The following TMC3 variants were observed in gnomAD, a reference collection of about 807,000 sequenced individuals.
TMC3 encodes the protein transmembrane channel-like protein 3.
In TMC3, 98 loss-of-function variants were observed where a neutral mutation model predicts 110.6. That is an observed-to-expected ratio of 0.89 (90% CI 0.75 to 1.05). TMC3 has a LOEUF of 1.05. TMC3 is among the 50% of genes least tolerant of loss of function. The probability of loss-of-function intolerance (pLI) is 0.00; values close to 1 mark genes in which losing one functional copy is unlikely to be tolerated. For missense variants in TMC3, 1,319 were observed against 1,373.2 expected, an observed-to-expected ratio of 0.96 and a Z score of 0.62; for synonymous variants, 489 against 513.1, an observed-to-expected ratio of 0.95 and a Z score of 0.63.
intron 10 of TMC3, among the ~76,000 whole-genome samples, chr15:81,349,955 T>A: frequency 7.6e-6 from 1 of 131,194 alleles, no homozygotes. Flanking sequence ...AGACCCCATC[T>A]CTACAAAAAA....
chr15:81,351,320 G>A, intron 10 of TMC3, among the ~76,000 whole-genome samples: 1 of 151,396 alleles, frequency 6.6e-6, no homozygotes, highest in East Asian at 1.9e-4. Flanking sequence ...CAGAGAGGCA[G>A]GCTACTTTTC....
Position 81,358,246 on chromosome 15 carries a change from C to T in TMC3, c.646G>A (p.Glu216Lys). 2.5e-6 allele frequency: 4 copies of T among 1,613,438 alleles called. No individual in the cohort carries two copies. Among genetic ancestry groups the T allele is most frequent in the Non-Finnish European group, 3.4e-6 (4 of 1,179,676 alleles). Residue 216 changes from glutamate (E) to lysine (K), a missense_variant, in exon 7 of 22, where the codon GAG becomes AAG. Glu to Lys is a moderately conservative substitution (Grantham distance 56, BLOSUM62 1). Transcript: ENST00000359440. ...SVLFYGYYGRERKIGRAGYRL... is the reference protein window; with the variant it reads ...SVLFYGYYGRKRKIGRAGYRL... Reference sequence around the variant, plus strand: ...TAGCCAGCTCTCCCGATCTTCCTCTCCCTGCCGTAATATCCGTAGAAGAGG... The same window carrying T: ...TAGCCAGCTCTCCCGATCTTCCTCTTCCTGCCGTAATATCCGTAGAAGAGG...
At chr15:81,352,814 G>GT (rs1224169846) in intron 9 of TMC3, among the ~76,000 whole-genome samples, 4 of 152,256 alleles carry the variant, frequency 2.6e-5, no homozygotes, top group Non-Finnish European at 5.9e-5. Context: ...TTGTTTGTTT[G>GT]TTTTTTGTTT....
Position 81,349,519 on chromosome 15 carries a change from CA to C in TMC3, c.1131del (p.Phe377LeufsTer7). 1 of 1,563,252 alleles carries C rather than the reference CA, an allele frequency of 6.4e-7. No homozygotes were observed. On this transcript the variant is annotated frameshift_variant, in exon 11 of 22. Transcript: ENST00000359440. LOFTEE classifies it high-confidence loss of function. ...SLVTMIAPSA[F>X]DLIAALEMYH... Reference sequence around the variant, plus strand: ...TACATCTCTAAGGCAGCAATGAGGTCAAAGGCTGATGGTGCTATCATGGTGA... The same window carrying C: ...TACATCTCTAAGGCAGCAATGAGGTCAAGGCTGATGGTGCTATCATGGTGA...
chr15:81,366,902 G>T (rs937392201), intron 3 of TMC3, among the ~76,000 whole-genome samples: 1 of 152,148 alleles, frequency 6.6e-6, no homozygotes, highest in Admixed American at 6.6e-5. Flanking sequence ...TAAAAAGAGT[G>T]TATCTGTCAG....
chr15:81,337,750 C>A, intron 19 of TMC3, 96 bp downstream of exon 19: 1 of 1,074,280 alleles, frequency 9.3e-7, no homozygotes. Flanking sequence ...TCACAGAAAC[C>A]TTGAAGATGT....
intron 3 of TMC3, among the ~76,000 whole-genome samples, chr15:81,364,853 GCA>G (rs1894274836): frequency 6.6e-6 from 1 of 151,704 alleles, no homozygotes; most frequent in Non-Finnish European, 1.5e-5. Context: ...TTGAAATTGA[GCA>G]CACATATATA....
rs1894499363 is a variant in TMC3 at position 81,374,197 on chromosome 15, CAGGA to C, written c.-124_-121del. On this transcript the variant is annotated 5_prime_UTR_variant, in exon 1 of 22. Transcript: ENST00000359440. ...GGAGTTTGCTCTGCCCGCTAGTTCT[CAGGA>C]AGAAGACTGTGTGCTTGCAGCTGGT... 1.3e-6 allele frequency: 1 copy of C among 791,760 alleles called. No homozygotes were observed. The highest frequency in any genetic ancestry group is 1.5e-5 in the South Asian group (1 of 65,332). 49.0% of individuals were successfully genotyped at this position (791,760 alleles called of 1,614,324 possible). A position where few individuals can be genotyped will look rare whatever the true frequency, so the allele number is the denominator to read the frequency against.
intron 5 of TMC3, 23 bp downstream of exon 5, chr15:81,359,342 G>A: frequency 1.3e-6 from 2 of 1,523,620 alleles, no homozygotes; most frequent in Non-Finnish European, 1.8e-6. Context: ...TGTAATGAGT[G>A]GTACTTTCCT....
In TMC3 at chr15:81,331,121, C is replaced by T. The variant is rs978719207; in HGVS notation, c.*1298G>A. ...GGAAAGGTCTTTATTAAAAGGTGAT[C>T]ACCTGGCTCAGTAGGACTAGCGTCC... is the stretch of plus-strand genomic sequence containing the variant. On this transcript the variant is annotated 3_prime_UTR_variant, in exon 22 of 22. Coordinates refer to ENST00000359440, the MANE Select transcript of TMC3 (RefSeq NM_001080532.3). 10 of 152,232 alleles carry T rather than the reference C, an allele frequency of 6.6e-5. No homozygotes were observed. The highest frequency in any genetic ancestry group is 2.2e-4 in the African/African-American group (9 of 41,452). 9.4% of individuals were successfully genotyped at this position (152,232 alleles called of 1,614,324 possible). A position where few individuals can be genotyped will look rare whatever the true frequency, so the allele number is the denominator to read the frequency against.
At chr15:81,347,581 G>C (rs115828950) in intron 11 of TMC3, among the ~76,000 whole-genome samples, 238 of 152,320 alleles carry the variant, frequency 1.6e-3, no homozygotes, top group African/African-American at 5.4e-3. Context: ...CTCTCCTGCT[G>C]TCTTGGCATT....
At chr15:81,372,822 C>T in intron 1 of TMC3, 85 bp from the exon 2 acceptor site, 1 of 1,398,730 alleles carries the variant, frequency 7.1e-7, no homozygotes, top group South Asian at 1.3e-5. Context: ...ACAAGTTCAG[C>T]ATCTCACTGC....
Position 81,356,517 on chromosome 15 carries a change from G to T in TMC3, c.821C>A (p.Ala274Asp), listed in dbSNP as rs1470703419. The change falls in exon 8 of 22, where the codon GCC (alanine) becomes GAC (aspartate). Residue 274 changes from alanine (A) to aspartate (D), a missense_variant. Transcript: ENST00000359440. ...NYTFCWRVFC[A>D]WDYLIGNPEA... ...TGGGTTTCCAATGAGGTAATCCCAG[G>T]CACAGAACACCCGCCAGCAGAAGGT... 3 of 1,572,656 alleles carry T rather than the reference G, an allele frequency of 1.9e-6. No homozygotes were observed. In the South Asian group the frequency reaches 3.5e-5, roughly 18 times the overall value.
chr15:81,365,482 C>T (rs934768892), intron 3 of TMC3, among the ~76,000 whole-genome samples: 13 of 152,082 alleles, frequency 8.5e-5, no homozygotes, highest in African/African-American at 2.9e-4. Flanking sequence ...ACCAGACTGA[C>T]CAACATGGTG....
chr15:81,370,677 T>C (rs564012935), intron 2 of TMC3, among the ~76,000 whole-genome samples: 52 of 142,442 alleles, frequency 3.7e-4, no homozygotes, highest in African/African-American at 1.5e-3. Flanking sequence ...ATAGAAACTA[T>C]TTCTTTTTTT....
intron 17 of TMC3, 27 bp downstream of exon 17, chr15:81,339,367 C>A: frequency 6.6e-7 from 1 of 1,520,796 alleles, no homozygotes; most frequent in Non-Finnish European, 9.0e-7. Context: ...GTCAGTCACT[C>A]CGGGCAGAGC....
At position 81,334,675 on chromosome 15, in the gene TMC3, T is replaced by C. The variant is rs369233081; in HGVS notation, c.2459+45A>G. On this transcript the variant is annotated intron_variant, in intron 21 of 21. Transcript: ENST00000359440. ...TCCTGAAGCTGCAGAGGCCTTCAAA[T>C]CTCTCACATTCCAGGTTTTAATCTG... 5.3e-5 allele frequency: 84 copies of C among 1,577,616 alleles called. No homozygotes were observed. The African/African-American group carries it at 1.0e-3, about 20-fold the overall frequency.
At chr15:81,370,189 G>A (rs925136353) in intron 2 of TMC3, among the ~76,000 whole-genome samples, 8 of 152,196 alleles carry the variant, frequency 5.3e-5, no homozygotes, top group African/African-American at 1.9e-4. Flanking sequence ...TCTTAGACAG[G>A]TGGCTCTTGC....
intron 20 of TMC3, chr15:81,335,595 T>TAG (rs1476160444): frequency 1.3e-5 from 2 of 153,054 alleles, no homozygotes; most frequent in African/African-American, 2.4e-5. Context: ...CCTTAGGCCT[T>TAG]AGAGGTCTTG....
Sources: gnomAD v4.1 joint callset for allele counts (sites outside exome capture counted in the v4.1 genomes callset) on GRCh38, gnomAD v4.1.1 for gene constraint, MANE v1.5 for transcripts, NCBI Gene and HGNC (gene_info 2026-07-23, HGNC 2026-07-21) for gene names.